Variants in SMOC2 observed in about 807,000 individuals in gnomAD.
SMOC2 encodes the protein SPARC related modular calcium binding 2.
Under a neutral mutation model 61.4 loss-of-function variants are expected in SMOC2, and 39 were observed. The observed-to-expected ratio is 0.64, with a 90% CI of 0.49 to 0.83. The LOEUF is 0.83. Among genes scored for constraint, SMOC2 ranks in the 40% least tolerant of loss-of-function variants. The probability of loss-of-function intolerance (pLI) is 0.00; values close to 1 mark genes in which losing one functional copy is unlikely to be tolerated. For synonymous variants in SMOC2, 247 were observed against 239.9 expected (o/e 1.03, Z -0.27); for missense variants, 556 against 592.9 (o/e 0.94, Z 0.65).
intron 9 of SMOC2, among the ~76,000 whole-genome samples, chr6:168,631,091 C>G (rs1223284704): frequency 2.0e-5 from 3 of 152,202 alleles, no homozygotes; most frequent in African/African-American, 7.2e-5. Flanking sequence ...TTCGCACACT[C>G]CCTCCCCTTT....
intron 9 of SMOC2, among the ~76,000 whole-genome samples, chr6:168,610,844 GTTC>G (rs1268733569): frequency 6.6e-6 from 1 of 152,190 alleles, no homozygotes; most frequent in African/African-American, 2.4e-5. Context: ...GCTTTTGAAG[GTTC>G]TTCTTTCATT....
At chr6:168,603,536 G>A (rs959821042) in intron 8 of SMOC2, among the ~76,000 whole-genome samples, 3 of 152,074 alleles carry the variant, frequency 2.0e-5, no homozygotes, top group African/African-American at 7.2e-5. Flanking sequence ...ACATGTGAAT[G>A]CCCTCAATGT....
intron 3 of SMOC2, 21 bp from the exon 4 acceptor site, chr6:168,527,607 C>T: frequency 6.5e-7 from 1 of 1,538,332 alleles, no homozygotes; most frequent in South Asian, 1.2e-5. Flanking sequence ...GAGGGCTTAC[C>T]CGTCCTGTGC....
chr6:168,616,890 G>A (rs1786108719), intron 9 of SMOC2, among the ~76,000 whole-genome samples: 1 of 152,198 alleles, frequency 6.6e-6, no homozygotes, highest in African/African-American at 2.4e-5. Flanking sequence ...CCGCTGCACT[G>A]CGGGGGGGTT....
chr6:168,457,957 C>A (rs953153738), intron 1 of SMOC2, among the ~76,000 whole-genome samples: 1 of 152,116 alleles, frequency 6.6e-6, no homozygotes, highest in Non-Finnish European at 1.5e-5. Flanking sequence ...AGGGGGTGGC[C>A]GGTCTTTCCC....
chr6:168,472,806 A>C (rs1164579248), intron 1 of SMOC2, among the ~76,000 whole-genome samples: 2 of 152,116 alleles, frequency 1.3e-5, no homozygotes, highest in African/African-American at 4.8e-5. Context: ...TATTTTACTA[A>C]TACTATAGGG....
At chr6:168,555,721 C>T (rs79922666) in intron 7 of SMOC2, among the ~76,000 whole-genome samples, 1,760 of 152,310 alleles carry the variant, frequency 0.012, 16 homozygotes, top group Middle Eastern at 0.027. Flanking sequence ...GGGCAAAGAC[C>T]TCCCAGCAGC....
chr6:168,643,639 C>G (rs963982153), intron 9 of SMOC2, among the ~76,000 whole-genome samples: 1 of 152,204 alleles, frequency 6.6e-6, no homozygotes, highest in African/African-American at 2.4e-5. Context: ...CCGGCCTCAT[C>G]ATGGCCGTGG....
chr6:168,462,355 C>T (rs965316955), intron 1 of SMOC2, among the ~76,000 whole-genome samples: 7 of 152,170 alleles, frequency 4.6e-5, no homozygotes, highest in Non-Finnish European at 7.3e-5. Context: ...TAAACATGTC[C>T]TTGTTGGAAC....
intron 12 of SMOC2, 163 bp downstream of exon 12, chr6:168,664,274 A>G (rs1325560313): frequency 2.9e-6 from 2 of 685,604 alleles, no homozygotes; most frequent in South Asian, 3.3e-5. Flanking sequence ...TATGGGGACT[A>G]AAGCAGCCTT....
intron 1 of SMOC2, among the ~76,000 whole-genome samples, chr6:168,472,865 C>T (rs560310667): frequency 1.8e-4 from 28 of 152,186 alleles, no homozygotes; most frequent in Non-Finnish European, 2.8e-4. Flanking sequence ...ACTGGAGCAT[C>T]GTGATGTTTT....
At chr6:168,628,488 G>A (rs1786476592) in intron 9 of SMOC2, among the ~76,000 whole-genome samples, 1 of 152,230 alleles carries the variant, frequency 6.6e-6, no homozygotes, top group African/African-American at 2.4e-5. Context: ...CAGGTCTCCG[G>A]ACACTCTGTA....
At chr6:168,586,110 T>G (rs1230124609) in intron 7 of SMOC2, among the ~76,000 whole-genome samples, 1 of 152,170 alleles carries the variant, frequency 6.6e-6, no homozygotes, top group Non-Finnish European at 1.5e-5. Context: ...TTTAGAGTCT[T>G]TATATTTTTA....
chr6:168,505,262 C>T (rs2609317), intron 1 of SMOC2, among the ~76,000 whole-genome samples: 144 of 44,654 alleles, frequency 3.2e-3, no homozygotes, highest in East Asian at 0.012. Flanking sequence ...ATGAAATGTC[C>T]GTCTCTCAGA....
chr6:168,494,239 G>C (rs6912459), intron 1 of SMOC2, among the ~76,000 whole-genome samples: 27,463 of 152,162 alleles, frequency 0.18, 5,421 homozygotes, highest in African/African-American at 0.47. Flanking sequence ...TCTACACACT[G>C]TGAGTGCAAG....
At chr6:168,587,867 C>T (rs1785078373) in intron 7 of SMOC2, among the ~76,000 whole-genome samples, 1 of 152,182 alleles carries the variant, frequency 6.6e-6, no homozygotes. Context: ...CCTGAGATTT[C>T]CTTTCCTTTC....
intron 7 of SMOC2, among the ~76,000 whole-genome samples, chr6:168,573,019 G>C (rs866667701): frequency 9.8e-3 from 537 of 54,586 alleles, no homozygotes; most frequent in African/African-American, 0.029. Flanking sequence ...GGGCTGCGTG[G>C]TCCCTGAACG....
chr6:168,666,303 C>T, intron 12 of SMOC2, 118 bp from the exon 13 acceptor site: 1 of 1,128,444 alleles, frequency 8.9e-7, no homozygotes. Flanking sequence ...TTACACCTCA[C>T]ATGACCTGCC....
In SMOC2 at chr6:168,527,609, G is replaced by A. The variant is rs1042022310; in HGVS notation, c.364-19G>A. On this transcript the variant is annotated intron_variant, in intron 3 of 12. Coordinates refer to ENST00000356284, the MANE Select transcript of SMOC2 (RefSeq NM_001166412.2). ...GCCACGGGCCCGGGAGGGCTTACCC[G>A]TCCTGTGCTCTCTCGCAGGTCCAGT... 45 of 1,541,956 alleles carry A rather than the reference G, an allele frequency of 2.9e-5. No homozygotes were observed. Among genetic ancestry groups the A allele is most frequent in the African/African-American group, 1.6e-4 (12 of 72,892 alleles).
Sources: allele counts gnomAD v4.1 joint callset (sites outside exome capture counted in the v4.1 genomes callset), GRCh38; gene constraint gnomAD v4.1.1; transcripts MANE v1.5; gene names NCBI Gene and HGNC (gene_info 2026-07-23, HGNC 2026-07-21).